Variants in PDE10A observed in about 807,000 individuals in gnomAD.
The protein encoded by PDE10A is cAMP and cAMP-inhibited cGMP 3',5'-cyclic phosphodiesterase 10A.
Under a neutral mutation model 97.7 loss-of-function variants are expected in PDE10A, and 39 were observed. The observed-to-expected ratio is 0.40, with a 90% CI of 0.31 to 0.52. The LOEUF (loss-of-function observed/expected upper bound fraction) is 0.52, where lower values mean the gene tolerates loss of function less well. PDE10A is among the 20% of genes least tolerant of loss of function. PDE10A has a pLI of 0.56. For synonymous variants in PDE10A, 371 were observed against 376.8 expected (o/e 0.98, Z 0.18); for missense variants, 731 against 1,047.8 (o/e 0.70, Z 4.17).
At chr6:165,936,202 G>A (rs1325776018) in intron 1 of PDE10A, among the ~76,000 whole-genome samples, 2 of 152,182 alleles carry the variant, frequency 1.3e-5, no homozygotes, top group Non-Finnish European at 1.5e-5. Flanking sequence ...AGCCTCTGAT[G>A]TATTCATGCA....
At chr6:165,754,511 A>G (rs1480514947) in intron 1 of PDE10A, 1 of 152,220 alleles carries the variant, frequency 6.6e-6, no homozygotes, top group Admixed American at 6.5e-5. Context: ...TGAAAAAAAT[A>G]GATTTACATT....
At chr6:165,406,568 A>T (rs531995) in intron 13 of PDE10A, among the ~76,000 whole-genome samples, 27,721 of 151,844 alleles carry the variant, frequency 0.18, 3,020 homozygotes, top group African/African-American at 0.3. Context: ...TTTTTCCTAA[A>T]CTTTCCCCCT....
chr6:165,498,008 C>T (rs1780639584), intron 2 of PDE10A, among the ~76,000 whole-genome samples: 1 of 152,056 alleles, frequency 6.6e-6, no homozygotes, highest in Non-Finnish European at 1.5e-5. Context: ...TTTACTAAGC[C>T]TTCCTAAAAC....
rs530077715 is a variant in PDE10A, at chr6:165,759,938, C to A, written c.-614-216370G>T. Among the ~76,000 whole-genome samples the A allele has an allele frequency of 2.6e-5, 4 of 152,112 alleles. No homozygotes were observed. The South Asian group carries it at 8.3e-4, about 32-fold the overall frequency. ...TAGTAAGTGGTATTATTTTATGTTT[C>A]TTTTCCACTCCATTCCACATACAAT... On this transcript the variant is annotated intron_variant, in intron 1 of 19. Coordinates refer to the PDE10A transcript ENST00000366882.
rs144561948 is a variant in PDE10A, at chr6:165,714,346, C to T, written c.-614-170778G>A. Among the ~76,000 whole-genome samples, 1,366 of 152,316 alleles carry T rather than the reference C, an allele frequency of 9.0e-3. 11 individuals are homozygous for T. Among genetic ancestry groups the T allele is most frequent in the Non-Finnish European group, 0.015 (1,045 of 68,014 alleles). On this transcript the variant is annotated intron_variant, in intron 1 of 19. Transcript: ENST00000366882. ...CGGGGAACAGGAGTCACAGGTTTGC[C>T]GTTTGTGAACCTCCAGGCCGCCAGT...
intron 1 of PDE10A, among the ~76,000 whole-genome samples, chr6:165,953,468 A>G (rs768765960): frequency 1.3e-5 from 2 of 152,020 alleles, no homozygotes; most frequent in Non-Finnish European, 2.9e-5. Context: ...GCGCACACCT[A>G]TAATCCCAGC....
At chr6:165,488,029 CAAAAAA>C (rs58319021) in intron 2 of PDE10A, among the ~76,000 whole-genome samples, 4,034 of 83,362 alleles carry the variant, frequency 0.048, 86 homozygotes, top group Middle Eastern at 0.089. Flanking sequence ...AACAAATTGG[CAAAAAA>C]AAAAAAAAAA....
At chr6:165,829,839 C>G (rs1032537001) in intron 1 of PDE10A, among the ~76,000 whole-genome samples, 5 of 152,174 alleles carry the variant, frequency 3.3e-5, no homozygotes, top group South Asian at 4.1e-4. Flanking sequence ...GGCTCTCCCC[C>G]ACCTCTCAGC....
intron 1 of PDE10A, among the ~76,000 whole-genome samples, chr6:165,693,951 CTTATT>C (rs2128442342): frequency 6.6e-6 from 1 of 152,264 alleles, no homozygotes; most frequent in Admixed American, 6.5e-5. Flanking sequence ...AGGAAATCAA[CTTATT>C]TTCTTTTTAT....
intron 2 of PDE10A, among the ~76,000 whole-genome samples, chr6:165,506,198 TCA>T (rs1333879276): frequency 1.3e-5 from 2 of 152,172 alleles, no homozygotes; most frequent in African/African-American, 4.8e-5. Flanking sequence ...ACTTAGAATT[TCA>T]CAGACATTCC....
intron 1 of PDE10A, among the ~76,000 whole-genome samples, chr6:165,980,781 A>T (rs1416278805): frequency 6.6e-6 from 1 of 152,194 alleles, no homozygotes; most frequent in South Asian, 2.1e-4. Context: ...TCTATATGAT[A>T]CATGCAATAT....
chr6:165,490,933 GCA>G (rs1780192349), intron 2 of PDE10A, among the ~76,000 whole-genome samples: 1 of 152,104 alleles, frequency 6.6e-6, no homozygotes, highest in South Asian at 2.1e-4. Context: ...CCAGCCTGGG[GCA>G]CAGAGCAAGA....
At chr6:165,770,971 C>G (rs1318243740) in intron 1 of PDE10A, among the ~76,000 whole-genome samples, 1 of 152,212 alleles carries the variant, frequency 6.6e-6, no homozygotes, top group East Asian at 1.9e-4. Context: ...CCTCTGGCTC[C>G]CAGCCACCAT....
At chr6:165,681,336 A>C (rs1048531137) in intron 1 of PDE10A, among the ~76,000 whole-genome samples, 7 of 152,206 alleles carry the variant, frequency 4.6e-5, no homozygotes, top group African/African-American at 1.7e-4. Flanking sequence ...TTGAAAAGAA[A>C]ATTTCAAAAT....
chr6:165,771,260 C>CT (rs1489957867), intron 1 of PDE10A, among the ~76,000 whole-genome samples: 2 of 152,174 alleles, frequency 1.3e-5, no homozygotes, highest in East Asian at 3.9e-4. Context: ...ATTTTGTTTC[C>CT]TTATGTAGAA....
rs1293690795 is a variant in PDE10A at position 165,578,451 on chromosome 6, A to G, written c.866-34883T>C. On this transcript the variant is annotated intron_variant, in intron 1 of 21. Coordinates refer to ENST00000539869, the MANE Select transcript of PDE10A (RefSeq NM_001385079.1). ...AAAGTCCAATTTAACCAAAAGAACA[A>G]CAGTCTGTTTCAGATTTTTATTTAA... 3.3e-5 allele frequency among the ~76,000 whole-genome samples: 5 copies of G among 152,140 alleles called. No individual in the cohort carries two copies. In the East Asian group the frequency reaches 9.6e-4, roughly 29 times the overall value.
chr6:165,521,450 A>C (rs905274835), intron 2 of PDE10A, among the ~76,000 whole-genome samples: 2 of 152,220 alleles, frequency 1.3e-5, no homozygotes, highest in African/African-American at 4.8e-5. Flanking sequence ...GACAGGACTG[A>C]AGCTAGGCCT....
At chr6:165,587,271 G>C (rs1183319939) in intron 1 of PDE10A, among the ~76,000 whole-genome samples, 1 of 152,058 alleles carries the variant, frequency 6.6e-6, no homozygotes, top group Non-Finnish European at 1.5e-5. Context: ...AAGACGGGAG[G>C]AACATAAACT....
chr6:165,601,035 C>A (rs1330964873), intron 1 of PDE10A, among the ~76,000 whole-genome samples: 1 of 152,178 alleles, frequency 6.6e-6, no homozygotes, highest in East Asian at 1.9e-4. Context: ...TCCCAGAATT[C>A]CCAAGTTTGT....
Sources: gnomAD v4.1 joint callset for allele counts (sites outside exome capture counted in the v4.1 genomes callset) on GRCh38, gnomAD v4.1.1 for gene constraint, MANE v1.5 for transcripts, NCBI Gene and HGNC (gene_info 2026-07-23, HGNC 2026-07-21) for gene names.